NUMBL: variants seen among roughly 807,000 people sequenced by gnomAD.
NUMBL encodes the protein NUMB like endocytic adaptor protein.
NUMBL carries 20 observed loss-of-function variants against 48.9 expected under a neutral mutation model. The ratio of observed to expected loss-of-function variants is 0.41; its 90% CI spans 0.29 to 0.59. NUMBL has a LOEUF of 0.59. NUMBL is among the 20% of genes least tolerant of loss of function. The pLI, the probability that NUMBL is intolerant of heterozygous loss-of-function variation, is 0.31. For synonymous variants in NUMBL, 340 were observed against 348.7 expected (o/e 0.98, Z 0.28); for missense variants, 660 against 846.2 (o/e 0.78, Z 2.73).
At chr19:40,669,179 G>A (rs1311140246) in intron 9 of NUMBL, among the ~76,000 whole-genome samples, 2 of 152,138 alleles carry the variant, frequency 1.3e-5, no homozygotes, top group Non-Finnish European at 1.5e-5. Context: ...ACGGCTCTAA[G>A]ATGATCCTTG....
intron 3 of NUMBL, 109 bp from the exon 4 acceptor site, chr19:40,683,077 T>C: frequency 8.4e-6 from 8 of 949,440 alleles, no homozygotes; most frequent in Middle Eastern, 4.2e-4. Flanking sequence ...AAGCACATGA[T>C]GTGTATGCAA....
At position 40,688,391 on chromosome 19, in the gene NUMBL, T is replaced by G. The variant is rs2081945105; in HGVS notation, c.25-1396A>C. Among the ~76,000 whole-genome samples the G allele has an allele frequency of 6.6e-6, 1 of 152,212 alleles. No individual in the cohort carries two copies. Among genetic ancestry groups the G allele is most frequent in the Non-Finnish European group, 1.5e-5 (1 of 68,036 alleles). ...ATAAGCACACAGTTTTAGTTTCCCA[T>G]GTCACAAGTACACAGTCCAGTGTAT... On this transcript the variant is annotated intron_variant, in intron 1 of 9. Coordinates refer to ENST00000252891, the MANE Select transcript of NUMBL (RefSeq NM_004756.5). The surrounding 1 kb of genome is among the most constrained non-coding windows in gnomAD (Gnocchi z 4.6).
At chr19:40,670,681 G>A (rs1599902180) in intron 8 of NUMBL, among the ~76,000 whole-genome samples, 1 of 152,364 alleles carries the variant, frequency 6.6e-6, no homozygotes, top group South Asian at 2.1e-4. Flanking sequence ...GTGAACATCA[G>A]AACTGGCCGT....
chr19:40,690,289 C>G, intron 1 of NUMBL, 171 bp downstream of exon 1: 1 of 384,840 alleles, frequency 2.6e-6, no homozygotes, highest in Non-Finnish European at 4.6e-6. Flanking sequence ...CCCAAGACCC[C>G]GGTCTCCTGG....
chr19:40,690,317 C>T (rs2081958658), intron 1 of NUMBL, 143 bp downstream of exon 1: 1 of 434,166 alleles, frequency 2.3e-6, no homozygotes, highest in Non-Finnish European at 3.8e-6. Flanking sequence ...CTTGTTGGGC[C>T]TGTTCCTGGA....
In NUMBL at chr19:40,684,423, C is replaced by A; in HGVS notation, c.243G>T (p.Pro81=). Reference sequence around the variant, plus strand: ...CCCTGCCGCGCCCACTCACCCTGACCGGGAAGCTGCACGTGCCCTTCCGCA... The same window carrying A: ...CCCTGCCGCGCCCACTCACCCTGACAGGGAAGCTGCACGTGCCCTTCCGCA... ...DAVRKGTCSF[P]VRYLGHVEVE... Residue 81 remains proline (P), a synonymous_variant, in exon 3 of 10, where the codon CCG becomes CCT. Coordinates refer to ENST00000252891, the MANE Select transcript of NUMBL (RefSeq NM_004756.5). 1.3e-6 allele frequency: 2 copies of A among 1,564,864 alleles called. No individual in the cohort carries two copies. The highest frequency in any genetic ancestry group is 2.4e-5 in the East Asian group (1 of 42,078).
intron 9 of NUMBL, among the ~76,000 whole-genome samples, chr19:40,669,521 A>C (rs185727409): frequency 6.6e-6 from 1 of 151,774 alleles, no homozygotes; most frequent in Non-Finnish European, 1.5e-5. Context: ...AAGATGATCC[A>C]TGGCTCTAAG....
chr19:40,671,261 G>A (rs1345548466), intron 8 of NUMBL, among the ~76,000 whole-genome samples: 1 of 152,138 alleles, frequency 6.6e-6, no homozygotes, highest in Non-Finnish European at 1.5e-5. Context: ...TTACAGGTGT[G>A]AGCCACCACG....
At chr19:40,686,549 A>AAT (rs1377476925) in intron 2 of NUMBL, among the ~76,000 whole-genome samples, 2 of 79,636 alleles carry the variant, frequency 2.5e-5, no homozygotes, top group Non-Finnish European at 4.6e-5. Context: ...GTTGTCTAGG[A>AAT]ATGTGTGTGT....
chr19:40,682,817 G>A lies in NUMBL; in HGVS notation c.325-15C>T, dbSNP rs1277499893. On this transcript the variant is annotated splice_polypyrimidine_tract_variant and intron_variant, in intron 4 of 9. Coordinates refer to ENST00000252891, the MANE Select transcript of NUMBL (RefSeq NM_004756.5). This position sits in a 1 kb window ranked among gnomAD's most constrained non-coding sequence, Gnocchi z 4.0. ...TTTCGGCCCATCTGGAGGGAGGCAAGGGGACAAAGGAGCCGGGTCAGGGTG... is the reference window on the plus strand; with the variant it reads ...TTTCGGCCCATCTGGAGGGAGGCAAAGGGACAAAGGAGCCGGGTCAGGGTG... 1.2e-6 allele frequency: 2 copies of A among 1,614,136 alleles called. No individual in the cohort carries two copies. Among genetic ancestry groups the A allele is most frequent in the South Asian group, 1.1e-5 (1 of 91,084 alleles).
chr19:40,690,537 A>T lies in NUMBL; in HGVS notation c.-54T>A. The stretch of plus-strand genomic sequence containing the variant: ...GGCCCTGGCTGGGCCTGGCTCCCCG[A>T]CTGCTGCTGCTGCGGTGGTGGCGGC... On this transcript the variant is annotated 5_prime_UTR_variant, in exon 1 of 10. Transcript: ENST00000252891. 8.8e-7 allele frequency: 1 copy of T among 1,138,410 alleles called. No individual in the cohort carries two copies. Among genetic ancestry groups the T allele is most frequent in the Non-Finnish European group, 1.1e-6 (1 of 902,742 alleles). 70.5% of individuals were successfully genotyped at this position (1,138,410 alleles called of 1,614,324 possible).
At chr19:40,684,833 G>T in intron 2 of NUMBL, 1 of 436,156 alleles carries the variant, frequency 2.3e-6, no homozygotes, top group Non-Finnish European at 4.1e-6. Context: ...GGGGTATGGG[G>T]CACAGGCTTC....
intron 8 of NUMBL, among the ~76,000 whole-genome samples, chr19:40,672,208 C>T (rs1045916302): frequency 2.0e-5 from 3 of 152,196 alleles, no homozygotes; most frequent in African/African-American, 7.2e-5. Flanking sequence ...ATGATGTACA[C>T]CACCTGTCTC....
Position 40,673,571 on chromosome 19 carries a change from G to C in NUMBL, c.809C>G (p.Ser270Cys). 5.2e-6 allele frequency: 8 copies of C among 1,546,926 alleles called. No homozygotes were observed. The highest frequency in any genetic ancestry group is 7.0e-6 in the Non-Finnish European group (8 of 1,143,588). ...GCCTGCCTCACCCTTCTCACCAGGG[G>C]ATGTGGTGGCTGGTGTCGGGGACAC... ...GHVSPTPATT[S>C]PGEKGEAGTP... The change falls in exon 8 of 10, where the codon TCC (serine) becomes TGC (cysteine). Residue 270 changes from serine (S) to cysteine (C), a missense_variant. Coordinates refer to ENST00000252891, the MANE Select transcript of NUMBL (RefSeq NM_004756.5). The surrounding 1 kb of genome is among the most constrained non-coding windows in gnomAD (Gnocchi z 5.9).
chr19:40,683,213 C>T (rs765988777), intron 3 of NUMBL, among the ~76,000 whole-genome samples: 2 of 152,204 alleles, frequency 1.3e-5, no homozygotes, highest in Non-Finnish European at 2.9e-5. Flanking sequence ...GGGCCCTAAC[C>T]CGGCACCGTG....
At chr19:40,674,726 C>T (rs143132636) in intron 7 of NUMBL, among the ~76,000 whole-genome samples, 1 of 152,164 alleles carries the variant, frequency 6.6e-6, no homozygotes. Context: ...CTCAGGAAGT[C>T]CCCTCCCCTC....
At chr19:40,668,906 G>T (rs1301130769) in intron 9 of NUMBL, among the ~76,000 whole-genome samples, 1 of 152,126 alleles carries the variant, frequency 6.6e-6, no homozygotes, top group African/African-American at 2.4e-5. Context: ...TTAGGGTTGG[G>T]CTTTCTAAGA....
Position 40,690,519 on chromosome 19 carries a change from G to A in NUMBL, c.-36C>T. The A allele has an allele frequency of 2.4e-6, 3 of 1,224,822 alleles. No homozygotes were observed. The highest frequency in any genetic ancestry group is 3.3e-5 in the South Asian group (1 of 30,442). The allele number at this position is 1,224,822 out of a possible 1,614,324, so 75.9% of individuals were successfully genotyped here. The stretch of plus-strand genomic sequence containing the variant: ...GGCGCCCCCGCCTCCCGCGGCCCTG[G>A]CTGGGCCTGGCTCCCCGACTGCTGC... On this transcript the variant is annotated 5_prime_UTR_variant, in exon 1 of 10. Coordinates refer to ENST00000252891, the MANE Select transcript of NUMBL (RefSeq NM_004756.5).
Position 40,667,208 on chromosome 19 carries a change from G to T in NUMBL, c.*260C>A. On this transcript the variant is annotated 3_prime_UTR_variant, in exon 10 of 10. Coordinates refer to ENST00000252891, the MANE Select transcript of NUMBL (RefSeq NM_004756.5). The surrounding 1 kb of genome is among the most constrained non-coding windows in gnomAD (Gnocchi z 6.1). The stretch of plus-strand genomic sequence containing the variant: ...TGGCCAACCCCTGTGTCTGGGGTTG[G>T]GGAAGGGGGCATTGCCAGCCTAAGT... The T allele has an allele frequency of 2.0e-6, 1 of 500,006 alleles. No homozygotes were observed. Among genetic ancestry groups the T allele is most frequent in the Non-Finnish European group, 3.6e-6 (1 of 277,010 alleles). The allele number at this position is 500,006 out of a possible 1,614,324, so 31.0% of individuals were successfully genotyped here.
Sources: allele counts gnomAD v4.1 joint callset (sites outside exome capture counted in the v4.1 genomes callset), GRCh38; gene constraint gnomAD v4.1.1; non-coding constraint Gnocchi (gnomAD v3.1); transcripts MANE v1.5; gene names NCBI Gene and HGNC (gene_info 2026-07-23, HGNC 2026-07-21).